Variants in ZNF337 observed in about 807,000 individuals in gnomAD.
The protein encoded by ZNF337 is zinc finger protein 337.
ZNF337 carries 8 observed loss-of-function variants against 12.1 expected under a neutral mutation model. The observed-to-expected ratio is 0.66, with a 90% CI of 0.39 to 1.19. The LOEUF (loss-of-function observed/expected upper bound fraction) is 1.19. ZNF337 is among the 50% of genes most tolerant of loss of function. The pLI, the probability that ZNF337 is intolerant of heterozygous loss-of-function variation, is 0.01. For synonymous variants in ZNF337, 336 were observed against 320.0 expected, an observed-to-expected ratio of 1.05 and a Z score of -0.53; for missense variants, 882 against 896.6, an observed-to-expected ratio of 0.98 and a Z score of 0.21.
At chr20:25,681,067 G>A (rs915229827) in intron 4 of ZNF337, 1 of 152,242 alleles carries the variant, frequency 6.6e-6, no homozygotes, top group African/African-American at 2.4e-5. Context: ...AGGTGGAGTT[G>A]TTGGGAGATA....
At chr20:25,680,046 A>G (rs1454659670) in intron 4 of ZNF337, among the ~76,000 whole-genome samples, 1 of 152,134 alleles carries the variant, frequency 6.6e-6, no homozygotes, top group African/African-American at 2.4e-5. Flanking sequence ...TATAATCAGT[A>G]TCATTAGTTC....
At chr20:25,679,612 C>A (rs2065746749) in intron 4 of ZNF337, among the ~76,000 whole-genome samples, 1 of 152,018 alleles carries the variant, frequency 6.6e-6, no homozygotes, top group Non-Finnish European at 1.5e-5. Flanking sequence ...ACTGAGAGAT[C>A]CTCTTACCAC....
Position 25,676,142 on chromosome 20 carries a change from C to T in ZNF337, c.1146G>A (p.Lys382=). The part of the protein sequence containing the change: ...GEKPFACRQC[K]QSFSVKGSLL... ...GACTTCCTTTCACGCTAAAACTTTG[C>T]TTACACTGCCTGCACGCAAAGGGCT... is the stretch of plus-strand genomic sequence containing the variant. The change falls in exon 5 of 5, where the codon AAG becomes AAA. Residue 382 remains lysine, a synonymous_variant. Transcript: ENST00000252979. 6.2e-7 allele frequency: 1 copy of T among 1,613,710 alleles called. No homozygotes were observed. The highest frequency in any genetic ancestry group is 8.5e-7 in the Non-Finnish European group (1 of 1,179,894).
chr20:25,675,386 C>G lies in ZNF337; in HGVS notation c.1902G>C (p.Gly634=). The change falls in exon 5 of 5, where the codon GGG becomes GGC. Residue 634 remains glycine, a synonymous_variant. Transcript: ENST00000252979. ...GATTTCCCTTCCAGTTGAAGCCTCG[C>G]CCACACTCCTTGCATACAAAAGGCT... ...GKQPFVCKEC[G]RGFNWKGNLL... 2 of 1,613,966 alleles carry G rather than the reference C, an allele frequency of 1.2e-6. No individual in the cohort carries two copies. Among genetic ancestry groups the G allele is most frequent in the East Asian group, 2.2e-5 (1 of 44,846 alleles).
intron 1 of ZNF337, among the ~76,000 whole-genome samples, chr20:25,693,698 A>G (rs143803839): frequency 1.3e-3 from 198 of 152,334 alleles, no homozygotes; most frequent in South Asian, 4.8e-3. Flanking sequence ...CAGATGGGAC[A>G]GTGTAGGGCA....
intron 1 of ZNF337, among the ~76,000 whole-genome samples, chr20:25,691,217 A>C (rs2065880120): frequency 6.6e-6 from 1 of 152,250 alleles, no homozygotes; most frequent in Non-Finnish European, 1.5e-5. Flanking sequence ...ATGAGCAGGC[A>C]GAAGAAATAA....
At chr20:25,693,848 G>C (rs1170676463) in intron 1 of ZNF337, among the ~76,000 whole-genome samples, 1 of 152,206 alleles carries the variant, frequency 6.6e-6, no homozygotes, top group Non-Finnish European at 1.5e-5. Flanking sequence ...CACGGGTAAC[G>C]TGGGAGTGGA....
chr20:25,676,786 C>T lies in ZNF337; in HGVS notation c.502G>A (p.Val168Ile). Residue 168 changes from valine to isoleucine, a missense_variant, in exon 5 of 5, where the codon GTA (valine) becomes ATA (isoleucine). Val to Ile is a conservative substitution (Grantham distance 29). Coordinates refer to ENST00000252979, the MANE Select transcript of ZNF337 (RefSeq NM_015655.4). ...CTTGAATTTTCTATTCCTTTCAATA[C>T]TTTGTCTATTTCTGTAGGATTTTCC... is the stretch of plus-strand genomic sequence containing the variant. ...QRENPTEIDKVLKGIENSRWG... is the reference protein window; with the variant it reads ...QRENPTEIDKILKGIENSRWG... 1 of 1,614,192 alleles carries T rather than the reference C, an allele frequency of 6.2e-7. No individual in the cohort carries two copies. Among genetic ancestry groups the T allele is most frequent in the Non-Finnish European group, 8.5e-7 (1 of 1,180,014 alleles).
intron 4 of ZNF337, chr20:25,677,678 G>C (rs2065720217): frequency 6.6e-6 from 1 of 152,028 alleles, no homozygotes; most frequent in South Asian, 2.1e-4. Flanking sequence ...GACTACAGGT[G>C]CCTGCCTGTA....
intron 4 of ZNF337, among the ~76,000 whole-genome samples, chr20:25,685,031 C>T (rs1010669667): frequency 2.3e-4 from 34 of 150,958 alleles, no homozygotes; most frequent in African/African-American, 7.6e-4. Flanking sequence ...ATGTAAATGA[C>T]GAGTTGATGG....
At chr20:25,686,579 T>A in intron 1 of ZNF337, 113 bp from the exon 2 acceptor site, 1 of 774,046 alleles carries the variant, frequency 1.3e-6, no homozygotes, top group Non-Finnish European at 2.0e-6. Context: ...ACCTGCACAA[T>A]TCCCCTGTGG....
chr20:25,686,025 A>G lies in ZNF337; in HGVS notation c.125T>C (p.Leu42Pro), dbSNP rs777212892. ...TGAGACCAGGTGGCTGTAGTTCTCC[A>G]GTGTCACCTCCCTGTACAGGGCCCT... ...AQRALYREVT[L>P]ENYSHLVSLG... The change falls in exon 3 of 5, where the codon CTG becomes CCG. Residue 42 changes from leucine (L) to proline (P), a missense_variant. Leu to Pro is a moderately conservative substitution (Grantham distance 98). Coordinates refer to ENST00000252979, the MANE Select transcript of ZNF337 (RefSeq NM_015655.4). 5.4e-5 allele frequency: 87 copies of G among 1,613,260 alleles called. No individual in the cohort carries two copies. The highest frequency in any genetic ancestry group is 7.1e-5 in the Non-Finnish European group (84 of 1,179,784).
intron 4 of ZNF337, among the ~76,000 whole-genome samples, chr20:25,682,432 T>G (rs1052472475): frequency 6.6e-6 from 1 of 152,298 alleles, no homozygotes; most frequent in African/African-American, 2.4e-5. Flanking sequence ...CAATCCACTA[T>G]GAATATAGAA....
At chr20:25,683,443 T>C (rs952524520) in intron 4 of ZNF337, among the ~76,000 whole-genome samples, 24 of 150,776 alleles carry the variant, frequency 1.6e-4, no homozygotes, top group Non-Finnish European at 2.7e-4. Flanking sequence ...AAAAAAGCTA[T>C]GGGAATTGAA....
chr20:25,676,056 C>T lies in ZNF337; in HGVS notation c.1232G>A (p.Arg411Gln), dbSNP rs775165058. 1.4e-5 allele frequency: 23 copies of T among 1,613,500 alleles called. No individual in the cohort carries two copies. The highest frequency in any genetic ancestry group is 6.7e-5 in the African/African-American group (5 of 74,762). Residue 411 changes from arginine (R) to glutamine (Q), a missense_variant, in exon 5 of 5, where the codon CGA becomes CAA. By Grantham distance (43) the Arg-to-Gln change is conservative. Coordinates refer to ENST00000252979, the MANE Select transcript of ZNF337 (RefSeq NM_015655.4). ...EKPFVCKDCE[R>Q]SFSQKSTLVY... ...AAGAGTTGACTTTTGGCTAAAGCTT[C>T]GCTCACAATCCTTGCACACAAAAGG...
chr20:25,685,120 TAAAA>T (rs553976436), intron 4 of ZNF337, among the ~76,000 whole-genome samples: 3 of 137,640 alleles, frequency 2.2e-5, no homozygotes, highest in African/African-American at 7.9e-5. Context: ...GAACTTAAAT[TAAAA>T]AAAAAAAAGA....
At chr20:25,679,914 T>A (rs2065751322) in intron 4 of ZNF337, among the ~76,000 whole-genome samples, 1 of 152,086 alleles carries the variant, frequency 6.6e-6, no homozygotes, top group Non-Finnish European at 1.5e-5. Flanking sequence ...CCATCAATGG[T>A]TGAATGGATA....
chr20:25,696,554 C>T (rs1232393472), intron 1 of ZNF337, among the ~76,000 whole-genome samples: 2 of 152,228 alleles, frequency 1.3e-5, no homozygotes, highest in African/African-American at 4.8e-5. Context: ...CGGCCCAGAC[C>T]CGGGGCGCTC....
At chr20:25,695,816 A>T (rs1399966175) in intron 1 of ZNF337, among the ~76,000 whole-genome samples, 2 of 152,182 alleles carry the variant, frequency 1.3e-5, no homozygotes, top group East Asian at 3.9e-4. Flanking sequence ...CATGAGCCAC[A>T]CTGCTCAGCC....
Sources: gnomAD v4.1 joint callset for allele counts (sites outside exome capture counted in the v4.1 genomes callset) on GRCh38, gnomAD v4.1.1 for gene constraint, MANE v1.5 for transcripts, NCBI Gene and HGNC (gene_info 2026-07-23, HGNC 2026-07-21) for gene names.